Variants in PLS1 observed in about 807,000 individuals in gnomAD.
The protein encoded by PLS1 is plastin-1.
PLS1 carries 32 observed loss-of-function variants against 73.7 expected under a neutral mutation model. The observed-to-expected ratio is 0.43, with a 90% confidence interval of 0.33 to 0.58. The LOEUF (loss-of-function observed/expected upper bound fraction) is 0.58, where lower values mean the gene tolerates loss of function less well. Ranked by LOEUF, PLS1 falls within the 20% of genes least tolerant of loss-of-function variation. The pLI is 0.04. For synonymous variants in PLS1, 217 were observed against 261.3 expected, an observed-to-expected ratio of 0.83 and a Z score of 1.63; for missense variants, 633 against 740.5, an observed-to-expected ratio of 0.85 and a Z score of 1.68.
chr3:142,610,606 T>A (rs1315880208), intron 1 of PLS1, among the ~76,000 whole-genome samples: 2 of 152,194 alleles, frequency 1.3e-5, no homozygotes, highest in African/African-American at 4.8e-5. Context: ...ATATATTTGA[T>A]GAATGTAGAA....
At chr3:142,689,106 C>A (rs2038032459) in intron 9 of PLS1, among the ~76,000 whole-genome samples, 3 of 152,114 alleles carry the variant, frequency 2.0e-5, no homozygotes, top group African/African-American at 4.8e-5. Flanking sequence ...GTTATCCCAG[C>A]AAGGAAATTC....
intron 1 of PLS1, among the ~76,000 whole-genome samples, chr3:142,603,951 A>G (rs982871987): frequency 3.3e-5 from 5 of 152,156 alleles, no homozygotes; most frequent in African/African-American, 1.2e-4. Flanking sequence ...CATGATAAAA[A>G]GCAAAAGGTT....
At chr3:142,643,521 A>C (rs2036884839) in intron 1 of PLS1, among the ~76,000 whole-genome samples, 1 of 152,134 alleles carries the variant, frequency 6.6e-6, no homozygotes, top group Non-Finnish European at 1.5e-5. Flanking sequence ...GCAGAAATGT[A>C]CCTCCTGAAG....
intron 12 of PLS1, among the ~76,000 whole-genome samples, chr3:142,702,401 T>C (rs2038349868): frequency 6.6e-6 from 1 of 152,220 alleles, no homozygotes; most frequent in Admixed American, 6.5e-5. Context: ...AATTCTTTTA[T>C]TGTATTAGCT....
intron 10 of PLS1, among the ~76,000 whole-genome samples, chr3:142,692,391 A>G (rs2038103227): frequency 6.6e-6 from 1 of 152,142 alleles, no homozygotes; most frequent in Non-Finnish European, 1.5e-5. Flanking sequence ...TTTTACTTCT[A>G]AGATTGCTTT....
At chr3:142,625,255 T>G (rs1290696100) in intron 1 of PLS1, among the ~76,000 whole-genome samples, 1 of 151,562 alleles carries the variant, frequency 6.6e-6, no homozygotes, top group Admixed American at 6.6e-5. Flanking sequence ...CTATTTTTTC[T>G]TCTAAGTGCT....
At chr3:142,694,349 A>G (rs1259148416) in intron 10 of PLS1, 120 bp from the exon 11 acceptor site, 2 of 530,936 alleles carry the variant, frequency 3.8e-6, no homozygotes, top group African/African-American at 4.0e-5. Flanking sequence ...AAGAAACTGT[A>G]GTATCTAAAG....
At chr3:142,596,905 A>G (rs1349632480) in intron 1 of PLS1, among the ~76,000 whole-genome samples, 1 of 152,110 alleles carries the variant, frequency 6.6e-6, no homozygotes, top group African/African-American at 2.4e-5. Flanking sequence ...TTTGGTGCAT[A>G]GGATCAATAG....
intron 14 of PLS1, among the ~76,000 whole-genome samples, chr3:142,709,866 A>AT (rs1214688102): frequency 6.6e-6 from 1 of 151,962 alleles, no homozygotes; most frequent in Non-Finnish European, 1.5e-5. Flanking sequence ...ATTGTGGCTC[A>AT]AAGAAGCTGT....
At chr3:142,611,693 C>T (rs1345556244) in intron 1 of PLS1, among the ~76,000 whole-genome samples, 1 of 152,056 alleles carries the variant, frequency 6.6e-6, no homozygotes, top group Non-Finnish European at 1.5e-5. Flanking sequence ...ATAGTATGTA[C>T]ATACTATATA....
chr3:142,656,914 C>T (rs1438468488), intron 1 of PLS1: 1 of 152,228 alleles, frequency 6.6e-6, no homozygotes, highest in Non-Finnish European at 1.5e-5. Flanking sequence ...CATAGGAACA[C>T]TATCAAGTCT....
rs1244741266 is a variant in PLS1, at chr3:142,607,049, G to A, written c.-37+10540G>A. ...AGCTGCACCATTTTACATTCCTACC[G>A]GCAATGAATGGAAGTTCCTGTTTGT... On this transcript the variant is annotated intron_variant, in intron 1 of 15. Transcript: ENST00000457734. Among the ~76,000 whole-genome samples the A allele has an allele frequency of 2.6e-5, 4 of 151,948 alleles. No individual in the cohort carries two copies. The South Asian group carries it at 8.3e-4, about 32-fold the overall frequency.
chr3:142,668,087 T>C (rs1045524253), intron 2 of PLS1, among the ~76,000 whole-genome samples: 2 of 152,128 alleles, frequency 1.3e-5, no homozygotes, highest in African/African-American at 4.8e-5. Context: ...ACAAGAAATA[T>C]AGGAAACAAA....
At chr3:142,624,029 A>T (rs144987582) in intron 1 of PLS1, among the ~76,000 whole-genome samples, 14 of 152,144 alleles carry the variant, frequency 9.2e-5, no homozygotes, top group Non-Finnish European at 1.9e-4. Context: ...CTTCCAGTCT[A>T]TAGTTTAATT....
At chr3:142,685,758 T>A (rs1356548858) in intron 8 of PLS1, among the ~76,000 whole-genome samples, 1 of 152,226 alleles carries the variant, frequency 6.6e-6, no homozygotes, top group Non-Finnish European at 1.5e-5. Context: ...ATAAGGCCTG[T>A]CCAAATTAAA....
intron 10 of PLS1, among the ~76,000 whole-genome samples, chr3:142,690,913 C>A (rs375708333): frequency 6.6e-6 from 1 of 152,064 alleles, no homozygotes; most frequent in East Asian, 1.9e-4. Context: ...AAGGGAAAGG[C>A]AGTTGTCAGA....
At chr3:142,615,042 C>T (rs1224596344) in intron 1 of PLS1, among the ~76,000 whole-genome samples, 3 of 151,908 alleles carry the variant, frequency 2.0e-5, no homozygotes, top group African/African-American at 7.3e-5. Context: ...GGGCAGAACA[C>T]GGAACAGAAA....
At chr3:142,704,238 C>CA (rs1210611554) in intron 13 of PLS1, among the ~76,000 whole-genome samples, 1 of 152,068 alleles carries the variant, frequency 6.6e-6, no homozygotes, top group Non-Finnish European at 1.5e-5. Context: ...AAAATGGCTT[C>CA]ATAAGGAATT....
intron 1 of PLS1, among the ~76,000 whole-genome samples, chr3:142,656,258 G>A (rs925962322): frequency 1.3e-5 from 2 of 152,196 alleles, no homozygotes; most frequent in Non-Finnish European, 2.9e-5. Context: ...CACTGCACTC[G>A]ACCAATTTTT....
Sources: gnomAD v4.1 joint callset for allele counts (sites outside exome capture counted in the v4.1 genomes callset) on GRCh38, gnomAD v4.1.1 for gene constraint, MANE v1.5 for transcripts, NCBI Gene and HGNC (gene_info 2026-07-23, HGNC 2026-07-21) for gene names.